The following KCNJ10 variants were observed in gnomAD, a reference collection of about 807,000 sequenced individuals.
The protein encoded by KCNJ10 is potassium inwardly rectifying channel subfamily J member 10.
A neutral mutation model predicts 22.2 loss-of-function variants in KCNJ10; 9 were observed. The observed-to-expected ratio is 0.40, with a 90% CI of 0.24 to 0.71. The LOEUF (loss-of-function observed/expected upper bound fraction) is 0.71, where lower values mean the gene tolerates loss of function less well. Among genes scored for constraint, KCNJ10 ranks in the 30% least tolerant of loss-of-function variants. KCNJ10 has a pLI of 0.35. For synonymous variants in KCNJ10, 184 were observed against 187.3 expected (o/e 0.98, Z 0.15); for missense variants, 337 against 482.7 (o/e 0.70, Z 2.83).
intron 1 of KCNJ10, among the ~76,000 whole-genome samples, chr1:160,048,161 A>C (rs1241232510): frequency 6.6e-6 from 1 of 150,872 alleles, no homozygotes; most frequent in Admixed American, 6.6e-5. Context: ...CTGTTTCCCC[A>C]GTGCCTAGTA....
intron 1 of KCNJ10, among the ~76,000 whole-genome samples, chr1:160,059,794 T>C (rs1372249649): frequency 6.6e-6 from 1 of 152,188 alleles, no homozygotes; most frequent in Non-Finnish European, 1.5e-5. Context: ...CACTCAAGCT[T>C]TGTTCAGTAG....
intron 1 of KCNJ10, among the ~76,000 whole-genome samples, chr1:160,050,047 A>G (rs1473789161): frequency 9.2e-5 from 14 of 152,098 alleles, no homozygotes; most frequent in Admixed American, 8.5e-4. Flanking sequence ...ACTAATAGGT[A>G]TGCAAACAAA....
At chr1:160,059,463 T>C (rs950331440) in intron 1 of KCNJ10, among the ~76,000 whole-genome samples, 8 of 152,158 alleles carry the variant, frequency 5.3e-5, no homozygotes, top group African/African-American at 1.7e-4. Flanking sequence ...TTCCTCACCC[T>C]GGGGTCCAAA....
At chr1:160,056,073 C>A (rs1649028850) in intron 1 of KCNJ10, among the ~76,000 whole-genome samples, 1 of 152,124 alleles carries the variant, frequency 6.6e-6, no homozygotes, top group African/African-American at 2.4e-5. Flanking sequence ...TTTCTCTCTT[C>A]CCCCTCATCT....
intron 1 of KCNJ10, among the ~76,000 whole-genome samples, chr1:160,056,449 C>T (rs1033523114): frequency 3.9e-5 from 6 of 152,154 alleles, no homozygotes; most frequent in Admixed American, 1.3e-4. Flanking sequence ...TGTCTTTGCT[C>T]GGGCAGCTCG....
At position 160,049,581 on chromosome 1, in the gene KCNJ10, A is replaced by C. The variant is rs1648827207; in HGVS notation, c.1-7049T>G. On this transcript the variant is annotated intron_variant, in intron 1 of 1. Transcript: ENST00000644903. The stretch of plus-strand genomic sequence containing the variant: ...CATATATGTATATCTATATCCAACT[A>C]TACCCGTAATGGCACCGCTCTTAGT... Among the ~76,000 whole-genome samples, 3 of 150,278 alleles carry C rather than the reference A, an allele frequency of 2.0e-5. No individual in the cohort carries two copies. The Admixed American group carries it at 2.0e-4, about 10-fold the overall frequency.
At position 160,048,285 on chromosome 1, in the gene KCNJ10, G is replaced by A. The variant is rs922674086; in HGVS notation, c.1-5753C>T. Among the ~76,000 whole-genome samples the A allele has an allele frequency of 7.7e-5, 11 of 142,232 alleles. No individual in the cohort carries two copies. The East Asian group carries it at 1.1e-3, about 14-fold the overall frequency. 93.3% of individuals were successfully genotyped at this position (142,232 alleles called of 152,430 possible). ...TTCAGGAGGAGCCACTTCAGAGTGC[G>A]AGGGGACCCAGGTTTACACAGGCTT... On this transcript the variant is annotated intron_variant, in intron 1 of 1. Coordinates refer to ENST00000644903, the MANE Select transcript of KCNJ10 (RefSeq NM_002241.5).
At position 160,042,349 on chromosome 1, in the gene KCNJ10, T is replaced by C; in HGVS notation, c.184A>G (p.Met62Val). The C allele has an allele frequency of 6.2e-7, 1 of 1,613,058 alleles. No individual in the cohort carries two copies. Among genetic ancestry groups the C allele is most frequent in the Non-Finnish European group, 8.5e-7 (1 of 1,179,096 alleles). The change falls in exon 2 of 2, where the codon ATG becomes GTG. Residue 62 changes from methionine (M) to valine (V), a missense_variant. Physicochemically the swap from Met to Val is conservative, Grantham distance 21. Around this residue, in one of 3 missense-constraint regions of KCNJ10, gnomAD observed 107 missense variants for 135.2 expected, o/e 0.79. Coordinates refer to ENST00000644903, the MANE Select transcript of KCNJ10 (RefSeq NM_002241.5). ...LKDLWTTFID[M>V]QWRYKLLLFS... ...AGCAGAAGCTTGTAGCGCCACTGCA[T>C]GTCAATGAAGGTTGTCCACAGGTCC...
chr1:160,049,537 CCT>C (rs1648826023), intron 1 of KCNJ10, among the ~76,000 whole-genome samples: 3 of 151,604 alleles, frequency 2.0e-5, no homozygotes, highest in Admixed American at 2.0e-4. Flanking sequence ...TTAAGTAATG[CCT>C]CTCTTTTCTG....
intron 1 of KCNJ10, among the ~76,000 whole-genome samples, chr1:160,043,981 C>T (rs992496540): frequency 1.4e-4 from 22 of 152,292 alleles, no homozygotes; most frequent in Admixed American, 1.1e-3. Context: ...ATTCTCCATT[C>T]GAAAAAGTCT....
At chr1:160,056,907 C>G (rs1054925657) in intron 1 of KCNJ10, among the ~76,000 whole-genome samples, 6 of 152,292 alleles carry the variant, frequency 3.9e-5, no homozygotes, top group South Asian at 2.1e-4. Flanking sequence ...TATGGTGATA[C>G]AGAGAGTCAT....
intron 1 of KCNJ10, among the ~76,000 whole-genome samples, chr1:160,043,343 C>T (rs1199419574): frequency 6.6e-6 from 1 of 150,526 alleles, no homozygotes; most frequent in Admixed American, 6.6e-5. Context: ...CTCTGCTCTA[C>T]CCCCAAGCCA....
At chr1:160,055,315 A>G (rs1649003761) in intron 1 of KCNJ10, among the ~76,000 whole-genome samples, 1 of 152,150 alleles carries the variant, frequency 6.6e-6, no homozygotes, top group Non-Finnish European at 1.5e-5. Flanking sequence ...CAGTTAAAGC[A>G]ACAGGAAGCA....
intron 1 of KCNJ10, chr1:160,062,597 A>T (rs2101935195): frequency 6.6e-6 from 1 of 152,358 alleles, no homozygotes; most frequent in African/African-American, 2.4e-5. Flanking sequence ...CTCGCCAGAA[A>T]GGACTTTCCA....
rs527521637 is a variant in KCNJ10, at chr1:160,043,638, G to A, written c.1-1106C>T. The stretch of plus-strand genomic sequence containing the variant: ...CACTGGGACATTTTCTGAAGGACTG[G>A]CAGAAATGCCAGATTGTGGGTGGCA... On this transcript the variant is annotated intron_variant, in intron 1 of 1. Transcript: ENST00000644903. 2.6e-5 allele frequency among the ~76,000 whole-genome samples: 4 copies of A among 152,348 alleles called. No individual in the cohort carries two copies. The South Asian group carries it at 8.3e-4, about 32-fold the overall frequency.
intron 1 of KCNJ10, among the ~76,000 whole-genome samples, chr1:160,043,572 C>A (rs751275106): frequency 1.2e-4 from 18 of 152,236 alleles, no homozygotes; most frequent in Admixed American, 5.9e-4. Flanking sequence ...AGGAAATAAG[C>A]AGTGGTGGAG....
intron 1 of KCNJ10, among the ~76,000 whole-genome samples, chr1:160,065,953 A>G (rs1223476580): frequency 1.3e-5 from 2 of 152,094 alleles, no homozygotes. Flanking sequence ...CAAGCCAATC[A>G]GGAGACACAA....
rs80103382 is a variant in KCNJ10, at chr1:160,066,936, A to C, written c.-1+3086T>G. ...CCATTTCAAATGTCTTTCCTTTTCT[A>C]GGATGTGCTTCCTGAGATCTAACCT... is the stretch of plus-strand genomic sequence containing the variant. On this transcript the variant is annotated intron_variant, in intron 1 of 1. Transcript: ENST00000644903. Among the ~76,000 whole-genome samples, 599 of 152,132 alleles carry C rather than the reference A, an allele frequency of 3.9e-3. 7 individuals carry two copies. The highest frequency in any genetic ancestry group is 0.013 in the African/African-American group (547 of 41,470).
At chr1:160,050,979 C>G (rs924061574) in intron 1 of KCNJ10, among the ~76,000 whole-genome samples, 8 of 151,996 alleles carry the variant, frequency 5.3e-5, no homozygotes, top group Non-Finnish European at 1.0e-4. Flanking sequence ...GAGTCTCACT[C>G]TGTCTCCAGG....
Sources: allele counts gnomAD v4.1 joint callset (sites outside exome capture counted in the v4.1 genomes callset), GRCh38; gene constraint gnomAD v4.1.1; regional missense constraint gnomAD v4.1.1; transcripts MANE v1.5; gene names NCBI Gene and HGNC (gene_info 2026-07-23, HGNC 2026-07-21).